PRKAB2: variants seen among roughly 807,000 people sequenced by gnomAD.
PRKAB2 encodes 5'-AMP-activated protein kinase subunit beta-2.
A neutral mutation model predicts 29.8 loss-of-function variants in PRKAB2; 18 were observed. That is an observed-to-expected ratio of 0.60 (90% CI 0.42 to 0.89). PRKAB2 has a LOEUF of 0.89. Among genes scored for constraint, PRKAB2 ranks in the 40% least tolerant of loss-of-function variants. The pLI, the probability that PRKAB2 is intolerant of heterozygous loss-of-function variation, is 0.00. For missense variants in PRKAB2, 270 were observed against 344.3 expected, an observed-to-expected ratio of 0.78 and a Z score of 1.71; for synonymous variants, 136 against 125.9, an observed-to-expected ratio of 1.08 and a Z score of -0.54.
intron 5 of PRKAB2, among the ~76,000 whole-genome samples, 155 bp downstream of exon 5, chr1:147,166,343 T>C (rs1553913672): frequency 6.6e-6 from 1 of 151,934 alleles, no homozygotes; most frequent in East Asian, 1.9e-4. Context: ...ATAAGAGACC[T>C]AAATGTTTAC....
Position 147,166,874 on chromosome 1 carries a change from T to C in PRKAB2, c.389A>G (p.Asp130Gly), listed in dbSNP as rs1553913770. The C allele has an allele frequency of 6.2e-7, 1 of 1,614,010 alleles. No individual in the cohort carries two copies. Among genetic ancestry groups the C allele is most frequent in the South Asian group, 1.1e-5 (1 of 91,076 alleles). The stretch of plus-strand genomic sequence containing the variant: ...TGATGGATCATGAACCCACTGTCCA[T>C]CCACAAAGAACTTGTATTGGTGCTC... Reference protein sequence around the residue: ...EGEHQYKFFVDGQWVHDPSEP... With the variant: ...EGEHQYKFFVGGQWVHDPSEP... Residue 130 changes from aspartate (D) to glycine (G), a missense_variant, in exon 4 of 8, where the codon GAT becomes GGT. Around this residue, in one of 2 missense-constraint regions of PRKAB2, gnomAD observed 228 missense variants for 255.5 expected, o/e 0.89. Coordinates refer to ENST00000254101, the MANE Select transcript of PRKAB2 (RefSeq NM_005399.5).
At chr1:147,167,682 G>C in intron 3 of PRKAB2, 85 bp downstream of exon 3, 1 of 1,482,080 alleles carries the variant, frequency 6.7e-7, no homozygotes, top group Non-Finnish European at 9.1e-7. Flanking sequence ...AGTAGGTGGA[G>C]AAAAGTCCAG....
Position 147,155,698 on chromosome 1 carries a change from C to T in PRKAB2, c.*3867G>A, listed in dbSNP as rs1553912356. On this transcript the variant is annotated 3_prime_UTR_variant, in exon 8 of 8. Transcript: ENST00000254101. ...TACTGCAAAAGTGCTGTGCTACATACAATCAATTCAAGTTAACTCCAACTA... is the reference window on the plus strand; with the variant it reads ...TACTGCAAAAGTGCTGTGCTACATATAATCAATTCAAGTTAACTCCAACTA... The T allele has an allele frequency of 6.6e-6, 1 of 152,562 alleles. No homozygotes were observed. The highest frequency in any genetic ancestry group is 2.4e-5 in the African/African-American group (1 of 41,432). 9.5% of individuals were successfully genotyped at this position (152,562 alleles called of 1,614,324 possible).
chr1:147,167,468 A>G (rs1471533858), intron 3 of PRKAB2, among the ~76,000 whole-genome samples: 1 of 152,240 alleles, frequency 6.6e-6, no homozygotes, highest in Admixed American at 6.5e-5. Context: ...CAAGACTCAG[A>G]CAGTTACAAA....
chr1:147,168,062 T>C, intron 2 of PRKAB2, 129 bp from the exon 3 acceptor site: 1 of 974,820 alleles, frequency 1.0e-6, no homozygotes. Context: ...AATTAGCAAC[T>C]AAATCAGAGT....
intron 7 of PRKAB2, among the ~76,000 whole-genome samples, chr1:147,161,238 C>A (rs1030762690): frequency 9.9e-5 from 15 of 152,080 alleles, no homozygotes; most frequent in Admixed American, 9.8e-4. Context: ...CGGGACAGGG[C>A]AAATCTGGTC....
Position 147,155,742 on chromosome 1 carries a change from A to G in PRKAB2, c.*3823T>C, listed in dbSNP as rs1428590149. On this transcript the variant is annotated 3_prime_UTR_variant, in exon 8 of 8. Coordinates refer to ENST00000254101, the MANE Select transcript of PRKAB2 (RefSeq NM_005399.5). ...CCAACTAATATTGGAACTAATAAAA[A>G]ATTAATTTGTAACAAAGCTTATTCA... 1.3e-5 allele frequency: 2 copies of G among 152,576 alleles called. No individual in the cohort carries two copies. Among genetic ancestry groups the G allele is most frequent in the Non-Finnish European group, 2.9e-5 (2 of 68,020 alleles). The allele number at this position is 152,576 out of a possible 1,614,324, so 9.5% of individuals were successfully genotyped here.
At chr1:147,170,587 G>GT (rs148632948) in intron 2 of PRKAB2, among the ~76,000 whole-genome samples, 2 of 149,788 alleles carry the variant, frequency 1.3e-5, no homozygotes, top group Non-Finnish European at 3.0e-5. Context: ...TGGTTTTTTT[G>GT]TTTTTTTGTT....
Position 147,157,814 on chromosome 1 carries a change from G to C in PRKAB2, c.*1751C>G, listed in dbSNP as rs1257966987. ...TTCTCCACAAAAGCCTTTTGCTGCAGAAGGTGGCCTTGGATGGCTAAAGTA... is the reference window on the plus strand; with the variant it reads ...TTCTCCACAAAAGCCTTTTGCTGCACAAGGTGGCCTTGGATGGCTAAAGTA... On this transcript the variant is annotated 3_prime_UTR_variant, in exon 8 of 8. Transcript: ENST00000254101. The C allele has an allele frequency of 2.6e-5, 3 of 114,144 alleles. No individual in the cohort carries two copies. Among genetic ancestry groups the C allele is most frequent in the Admixed American group, 9.4e-5 (1 of 10,654 alleles). The allele number at this position is 114,144 out of a possible 1,614,324, so 7.1% of individuals were successfully genotyped here.
Position 147,161,885 on chromosome 1 carries a change from C to T in PRKAB2, c.673-105G>A, listed in dbSNP as rs1653983418. ...CTCAGAGCTCTTTGAGAAATTTAAA[C>T]TAGAATGCGCTATCTCTTTTCAATA... is the stretch of plus-strand genomic sequence containing the variant. On this transcript the variant is annotated intron_variant, in intron 6 of 7. Coordinates refer to ENST00000254101, the MANE Select transcript of PRKAB2 (RefSeq NM_005399.5). 7 of 818,800 alleles carry T rather than the reference C, an allele frequency of 8.5e-6. No homozygotes were observed. In the South Asian group the frequency reaches 1.3e-4, roughly 15 times the overall value. The allele number at this position is 818,800 out of a possible 1,614,324, so 50.7% of individuals were successfully genotyped here. A position where few individuals can be genotyped will look rare whatever the true frequency, so the allele number is the denominator to read the frequency against.
chr1:147,168,959 A>T (rs372496199), intron 2 of PRKAB2, among the ~76,000 whole-genome samples: 6 of 152,176 alleles, frequency 3.9e-5, no homozygotes, highest in African/African-American at 1.4e-4. Flanking sequence ...GTGAACCAAC[A>T]TACCTGCCTT....
At chr1:147,169,765 T>C (rs1378854874) in intron 2 of PRKAB2, among the ~76,000 whole-genome samples, 8 of 152,250 alleles carry the variant, frequency 5.3e-5, no homozygotes, top group African/African-American at 1.9e-4. Flanking sequence ...GATGTCATTA[T>C]ACTGTTTCCC....
Position 147,156,190 on chromosome 1 carries a change from T to C in PRKAB2, c.*3375A>G, listed in dbSNP as rs1391059594. On this transcript the variant is annotated 3_prime_UTR_variant, in exon 8 of 8. Coordinates refer to ENST00000254101, the MANE Select transcript of PRKAB2 (RefSeq NM_005399.5). Reference sequence around the variant, plus strand: ...CCCAAATCACTAGAACGTGAGAATGTAGAAATCTCTGAGAACACAATGTAT... The same window carrying C: ...CCCAAATCACTAGAACGTGAGAATGCAGAAATCTCTGAGAACACAATGTAT... 6.6e-6 allele frequency: 1 copy of C among 152,524 alleles called. No individual in the cohort carries two copies. The highest frequency in any genetic ancestry group is 6.5e-5 in the Admixed American group (1 of 15,272). The allele number at this position is 152,524 out of a possible 1,614,324, so 9.4% of individuals were successfully genotyped here.
At chr1:147,164,150 GCTGGTCT>G (rs1553913409) in intron 5 of PRKAB2, among the ~76,000 whole-genome samples, 2 of 151,908 alleles carry the variant, frequency 1.3e-5, no homozygotes, top group African/African-American at 4.8e-5. Flanking sequence ...TGTTGCCCAG[GCTGGTCT>G]CAAACTCCTG....
Position 147,159,462 on chromosome 1 carries a change from G to A in PRKAB2, c.*103C>T. On this transcript the variant is annotated 3_prime_UTR_variant, in exon 8 of 8. Coordinates refer to ENST00000254101, the MANE Select transcript of PRKAB2 (RefSeq NM_005399.5). ...CAGAGGCTCTGAAACACACATATCA[G>A]CCTCAAAGCAAATCAGCCTTCCAGT... 1 of 982,924 alleles carries A rather than the reference G, an allele frequency of 1.0e-6. No homozygotes were observed. Among genetic ancestry groups the A allele is most frequent in the Non-Finnish European group, 1.6e-6 (1 of 642,244 alleles). The allele number at this position is 982,924 out of a possible 1,614,324, so 60.9% of individuals were successfully genotyped here. A position where few individuals can be genotyped will look rare whatever the true frequency, so the allele number is the denominator to read the frequency against.
intron 5 of PRKAB2, among the ~76,000 whole-genome samples, chr1:147,163,198 A>G (rs1465358472): frequency 6.6e-6 from 1 of 152,204 alleles, no homozygotes; most frequent in Admixed American, 6.5e-5. Context: ...ATAAGTGTCA[A>G]CAAAGGAATG....
intron 2 of PRKAB2, among the ~76,000 whole-genome samples, chr1:147,169,297 A>G (rs1654400883): frequency 6.6e-6 from 1 of 152,216 alleles, no homozygotes; most frequent in Non-Finnish European, 1.5e-5. Context: ...ATAGCATATC[A>G]GTAGCAGGAT....
rs1011997238 is a variant in PRKAB2, at chr1:147,168,071, G to A, written c.157-138C>T. 5.4e-6 allele frequency: 5 copies of A among 924,940 alleles called. No individual in the cohort carries two copies. The East Asian group carries it at 1.3e-4, about 25-fold the overall frequency. The allele number at this position is 924,940 out of a possible 1,614,324, so 57.3% of individuals were successfully genotyped here. A position where few individuals can be genotyped will look rare whatever the true frequency, so the allele number is the denominator to read the frequency against. ...CCCCAAAATTAGCAACTAAATCAGA[G>A]TTTGAACAAATTATAGAAAAAGAAC... On this transcript the variant is annotated intron_variant, in intron 2 of 7. Coordinates refer to ENST00000254101, the MANE Select transcript of PRKAB2 (RefSeq NM_005399.5).
rs782236292 is a variant in PRKAB2, at chr1:147,166,609, T to C, written c.427A>G (p.Thr143Ala). 6.2e-6 allele frequency: 10 copies of C among 1,613,870 alleles called. No homozygotes were observed. The East Asian group carries it at 2.2e-4, about 36-fold the overall frequency. ...TTGTTAATTGTGCCAAGCTGACTGG[T>C]AACCACAGGCTGAAACAGTGAATAG... ...WVHDPSEPVV[T>A]SQLGTINNLI... is the part of the protein sequence containing the mutation. The change falls in exon 5 of 8, where the codon ACC (threonine) becomes GCC (alanine). Residue 143 changes from threonine to alanine, a missense_variant. Physicochemically the swap from Thr to Ala is moderately conservative, Grantham distance 58. Around this residue, in one of 2 missense-constraint regions of PRKAB2, gnomAD observed 228 missense variants for 255.5 expected, o/e 0.89. Transcript: ENST00000254101.
Sources: gnomAD v4.1 joint callset for allele counts (sites outside exome capture counted in the v4.1 genomes callset) on GRCh38, gnomAD v4.1.1 for gene constraint, gnomAD v4.1.1 regional missense constraint, MANE v1.5 for transcripts, NCBI Gene and HGNC (gene_info 2026-07-23, HGNC 2026-07-21) for gene names.